The following PSD2 variants were observed in gnomAD, a reference collection of about 807,000 sequenced individuals.
PSD2 encodes pleckstrin and Sec7 domain containing 2, also known as PH and SEC7 domain-containing protein 2.
Under a neutral mutation model 69.8 loss-of-function variants are expected in PSD2, and 38 were observed. That is an observed-to-expected ratio of 0.54 (90% CI 0.42 to 0.71). The LOEUF is 0.71. Among genes scored for constraint, PSD2 ranks in the 30% least tolerant of loss-of-function variants. The probability of loss-of-function intolerance (pLI) is 0.00; values close to 1 mark genes in which losing one functional copy is unlikely to be tolerated. For synonymous variants in PSD2, 412 were observed against 423.0 expected (o/e 0.97, Z 0.32); for missense variants, 943 against 1,014.5 (o/e 0.93, Z 0.96).
intron 4 of PSD2, 141 bp from the exon 5 acceptor site, chr5:139,817,340 C>A (rs1760145474): frequency 1.4e-6 from 1 of 715,444 alleles, no homozygotes; most frequent in Non-Finnish European, 2.5e-6. Context: ...AATGTTATGG[C>A]CCAACTAGCC....
intron 8 of PSD2, 145 bp from the exon 9 acceptor site, chr5:139,835,578 T>A: frequency 1.3e-6 from 1 of 775,460 alleles, no homozygotes; most frequent in South Asian, 1.5e-5. Flanking sequence ...CACTTACCCA[T>A]CCAGCAAATA....
the PSD2 span, among the ~76,000 whole-genome samples, chr5:139,779,388 C>A: frequency 0.013 from 1,964 of 152,254 alleles, 26 homozygotes; most frequent in Middle Eastern, 0.027. Context: ...TTAGTGCCAT[C>A]TTTGTCTTGT....
At chr5:139,833,597 T>C in intron 7 of PSD2, 105 bp from the exon 8 acceptor site, 1 of 769,774 alleles carries the variant, frequency 1.3e-6, no homozygotes, top group Non-Finnish European at 2.3e-6. Context: ...ATTTTCATTA[T>C]TGCCCTTAAT....
chr5:139,809,049 G>T (rs140392209), intron 1 of PSD2, among the ~76,000 whole-genome samples: 1 of 152,320 alleles, frequency 6.6e-6, no homozygotes, highest in Non-Finnish European at 1.5e-5. Flanking sequence ...ATGGGAGGGG[G>T]CCCTACTGGA....
rs561747989 is a variant in PSD2 at position 139,837,680 on chromosome 5, G to T, written c.1721G>T (p.Arg574Leu). The part of the protein sequence containing the change: ...LSEGDLKNAI[R>L]VHHALATRAS... The stretch of plus-strand genomic sequence containing the variant: ...GAGGGTGACCTGAAGAACGCCATTC[G>T]CGTGCATCACGCTCTGGCCACCAGG... The change falls in exon 12 of 15, where the codon CGC becomes CTC. Residue 574 changes from arginine (R) to leucine (L), a missense_variant. Arg to Leu is a moderately radical substitution (Grantham distance 102). Transcript: ENST00000274710. This position sits in a 1 kb window ranked among gnomAD's most constrained non-coding sequence, Gnocchi z 5.0. The T allele has an allele frequency of 6.2e-7, 1 of 1,613,998 alleles. No homozygotes were observed. Among genetic ancestry groups the T allele is most frequent in the Non-Finnish European group, 8.5e-7 (1 of 1,179,906 alleles).
At chr5:139,753,719 G>T in the PSD2 span, among the ~76,000 whole-genome samples, 1 of 152,202 alleles carries the variant, frequency 6.6e-6, no homozygotes, top group Non-Finnish European at 1.5e-5. Context: ...GATCCCACAG[G>T]AGTCCCATCC....
chr5:139,824,496 A>G (rs1760364620), intron 7 of PSD2, among the ~76,000 whole-genome samples: 2 of 145,282 alleles, frequency 1.4e-5, no homozygotes, highest in African/African-American at 2.6e-5. Flanking sequence ...TCCCAGGTTC[A>G]TGCCATTCTC....
At chr5:139,803,465 T>C (rs1341273666) in intron 1 of PSD2, among the ~76,000 whole-genome samples, 1 of 152,216 alleles carries the variant, frequency 6.6e-6, no homozygotes, top group Non-Finnish European at 1.5e-5. Flanking sequence ...ACACATGCCA[T>C]CTCCTTTAGT....
intron 1 of PSD2, among the ~76,000 whole-genome samples, chr5:139,802,789 C>T (rs1759708217): frequency 1.3e-5 from 2 of 152,092 alleles, no homozygotes; most frequent in South Asian, 2.1e-4. Flanking sequence ...AATGAGGGTG[C>T]CAATTGGCTG....
At chr5:139,775,207 A>G in the PSD2 span, 4 of 152,372 alleles carry the variant, frequency 2.6e-5, no homozygotes, top group Non-Finnish European at 4.4e-5. Context: ...TCCACACCCT[A>G]TCTTTGCAAG....
the PSD2 span, among the ~76,000 whole-genome samples, chr5:139,788,621 G>A: frequency 6.6e-6 from 1 of 152,296 alleles, no homozygotes; most frequent in South Asian, 2.1e-4. Flanking sequence ...TACCACCCCG[G>A]CCAGTTCCCG....
chr5:139,816,218 T>C (rs1166345613), intron 4 of PSD2, among the ~76,000 whole-genome samples: 1 of 152,212 alleles, frequency 6.6e-6, no homozygotes, highest in Non-Finnish European at 1.5e-5. Context: ...TATCTCCAAC[T>C]GATAAGGATC....
rs768713656 is a variant in PSD2 at position 139,840,080 on chromosome 5, G to A, written c.2022G>A (p.Leu674=). The change falls in exon 14 of 15, where the codon CTG becomes CTA. Residue 674 remains leucine (L), a synonymous_variant. Transcript: ENST00000274710. ...AGTTGAGGCAGCTGACTGCGGAGCT[G>A]GCCGAACACAGGTGTCACCCAGTCG... The part of the protein sequence containing the change: ...ENKLRQLTAE[L]AEHRCHPVER... The A allele has an allele frequency of 6.2e-6, 10 of 1,614,226 alleles. No homozygotes were observed. In the East Asian group the frequency reaches 1.8e-4, roughly 29 times the overall value.
chr5:139,833,587 A>T, intron 7 of PSD2, 115 bp from the exon 8 acceptor site: 1 of 743,768 alleles, frequency 1.3e-6, no homozygotes, highest in Non-Finnish European at 2.4e-6. Flanking sequence ...ACGCAATTTA[A>T]TTTTCATTAT....
chr5:139,756,326 T>C, the PSD2 span, among the ~76,000 whole-genome samples: 1 of 152,160 alleles, frequency 6.6e-6, no homozygotes, highest in Non-Finnish European at 1.5e-5. Context: ...GGCAGCCGGA[T>C]CAAAGCCGGG....
At chr5:139,762,302 C>T in the PSD2 span, among the ~76,000 whole-genome samples, 2 of 151,498 alleles carry the variant, frequency 1.3e-5, no homozygotes, top group African/African-American at 2.4e-5. Flanking sequence ...CTTGGCCTCC[C>T]GAAGTGTTGG....
In PSD2 at chr5:139,813,706, G is replaced by T; in HGVS notation, c.769G>T (p.Gly257Trp). 5.6e-6 allele frequency: 9 copies of T among 1,613,404 alleles called. No homozygotes were observed. The highest frequency in any genetic ancestry group is 7.6e-6 in the Non-Finnish European group (9 of 1,179,764). ...TGAAGATGGCCCTCAGGGCCCAGGGGGGGATGAGGATGATGATGAGGAGGA... is the reference window on the plus strand; with the variant it reads ...TGAAGATGGCCCTCAGGGCCCAGGGTGGGATGAGGATGATGATGAGGAGGA... Reference protein sequence around the residue: ...FHEDGPQGPGGDEDDDEEDTD... With the variant: ...FHEDGPQGPGWDEDDDEEDTD... The change falls in exon 3 of 15, where the codon GGG becomes TGG. Residue 257 changes from glycine to tryptophan, a missense_variant. By Grantham distance (184) the Gly-to-Trp change is radical. Coordinates refer to ENST00000274710, the MANE Select transcript of PSD2 (RefSeq NM_032289.4).
chr5:139,784,841 G>A, the PSD2 span, among the ~76,000 whole-genome samples: 18 of 151,622 alleles, frequency 1.2e-4, no homozygotes, highest in African/African-American at 4.1e-4. Context: ...TGCAACCTCC[G>A]CCTCCTGGGT....
At chr5:139,806,543 T>C (rs557575168) in intron 1 of PSD2, among the ~76,000 whole-genome samples, 2 of 152,320 alleles carry the variant, frequency 1.3e-5, no homozygotes, top group African/African-American at 4.8e-5. Context: ...CACAGCTGCC[T>C]TTCATCCTTA....
Sources: allele counts gnomAD v4.1 joint callset (sites outside exome capture counted in the v4.1 genomes callset), GRCh38; gene constraint gnomAD v4.1.1; non-coding constraint Gnocchi (gnomAD v3.1); transcripts MANE v1.5; gene names NCBI Gene and HGNC (gene_info 2026-07-23, HGNC 2026-07-21).